Variants in RBL2 observed in about 807,000 individuals in gnomAD.
The protein encoded by RBL2 is retinoblastoma-like protein 2.
Under a neutral mutation model 126.0 loss-of-function variants are expected in RBL2, and 56 were observed. The observed-to-expected ratio is 0.44, with a 90% CI of 0.36 to 0.56. The LOEUF (loss-of-function observed/expected upper bound fraction) is 0.56, where lower values mean the gene tolerates loss of function less well. Among genes scored for constraint, RBL2 ranks in the 20% least tolerant of loss-of-function variants. The pLI, the probability that RBL2 is intolerant of heterozygous loss-of-function variation, is 0.00. For missense variants in RBL2, 1,229 were observed against 1,398.2 expected (o/e 0.88, Z 1.93); for synonymous variants, 454 against 478.5 (o/e 0.95, Z 0.67).
At chr16:53,439,832 G>T (rs1006429923) in intron 2 of RBL2, among the ~76,000 whole-genome samples, 8 of 151,756 alleles carry the variant, frequency 5.3e-5, no homozygotes, top group African/African-American at 1.7e-4. Context: ...AATTAACTGG[G>T]TGTGGTTGTG....
Position 53,459,629 on chromosome 16 carries a change from C to G in RBL2, c.1346+12C>G. On this transcript the variant is annotated intron_variant, in intron 9 of 21. Transcript: ENST00000262133. ...GAACAGATTCTCAGGTTAGTTTGAG[C>G]CCTGTCTGCTTTCTAAGATTTGGTT... is the stretch of plus-strand genomic sequence containing the variant. 1 of 1,520,454 alleles carries G rather than the reference C, an allele frequency of 6.6e-7. No individual in the cohort carries two copies. The highest frequency in any genetic ancestry group is 8.8e-7 in the Non-Finnish European group (1 of 1,135,842). The allele number at this position is 1,520,454 out of a possible 1,614,324, so 94.2% of individuals were successfully genotyped here. A position where few individuals can be genotyped will look rare whatever the true frequency, so the allele number is the denominator to read the frequency against.
At chr16:53,485,693 TA>T (rs899806736) in intron 21 of RBL2, among the ~76,000 whole-genome samples, 41 of 145,450 alleles carry the variant, frequency 2.8e-4, no homozygotes, top group Non-Finnish European at 3.4e-4. Flanking sequence ...GTCTCTACTT[TA>T]AAAAAAAAAA....
At chr16:53,444,360 C>CT (rs1020110239) in intron 3 of RBL2, among the ~76,000 whole-genome samples, 1 of 151,852 alleles carries the variant, frequency 6.6e-6, no homozygotes, top group African/African-American at 2.4e-5. Flanking sequence ...CGAGACCAGC[C>CT]TGGCCAACGT....
At chr16:53,453,834 AG>A in intron 7 of RBL2, 65 bp downstream of exon 7, 1 of 1,376,196 alleles carries the variant, frequency 7.3e-7, no homozygotes, top group Non-Finnish European at 1.0e-6. Flanking sequence ...TTCAGAAGTT[AG>A]TGTTTTTATT....
intron 12 of RBL2, chr16:53,464,925 C>T (rs1050205065): frequency 1.3e-5 from 2 of 152,656 alleles, no homozygotes; most frequent in Non-Finnish European, 2.9e-5. Flanking sequence ...TGCCGAGTAG[C>T]TGGGACTACA....
chr16:53,480,866 A>C, intron 20 of RBL2, 97 bp downstream of exon 20: 2 of 1,289,856 alleles, frequency 1.6e-6, no homozygotes, highest in Admixed American at 4.1e-5. Context: ...GTCCGTATAT[A>C]AACTAGTTTT....
intron 19 of RBL2, 151 bp downstream of exon 19, chr16:53,480,142 A>G: frequency 1.7e-6 from 1 of 603,938 alleles, no homozygotes; most frequent in Non-Finnish European, 2.9e-6. Context: ...TAGCTGGCAA[A>G]ACTGTCCATT....
At chr16:53,468,958 T>A (rs1019516843) in intron 14 of RBL2, among the ~76,000 whole-genome samples, 14 of 152,150 alleles carry the variant, frequency 9.2e-5, no homozygotes, top group Admixed American at 4.6e-4. Context: ...ACCACAATTT[T>A]AAAAAACTAG....
Position 53,465,699 on chromosome 16 carries a change from A to C in RBL2, c.1863+97A>C, listed in dbSNP as rs73608320. On this transcript the variant is annotated intron_variant, in intron 13 of 21. Transcript: ENST00000262133. ...TGGGAGGGTGGCAATTAGGTTTAAT[A>C]TGTTATAATTACACCTTGTTATGAG... 1.5e-3 allele frequency: 1,482 copies of C among 980,462 alleles called. 14 individuals carry two copies. The African/African-American group carries it at 0.022, about 15-fold the overall frequency. 60.7% of individuals were successfully genotyped at this position (980,462 alleles called of 1,614,324 possible).
At chr16:53,462,711 C>A in intron 11 of RBL2, 56 bp downstream of exon 11, 1 of 1,189,456 alleles carries the variant, frequency 8.4e-7, no homozygotes, top group Non-Finnish European at 1.2e-6. Flanking sequence ...TTCCTTCCTG[C>A]CCTATTCTGT....
chr16:53,435,639 T>G, intron 1 of RBL2: 1 of 1,286,964 alleles, frequency 7.8e-7, no homozygotes, highest in Admixed American at 2.3e-5. Context: ...TGTTTGACTG[T>G]GTGTGTGGCA....
intron 3 of RBL2, among the ~76,000 whole-genome samples, chr16:53,446,549 CTTAATG>C (rs1348977958): frequency 1.3e-5 from 2 of 152,068 alleles, no homozygotes; most frequent in Non-Finnish European, 2.9e-5. Flanking sequence ...AACAGGTACT[CTTAATG>C]GATGGAAGTA....
chr16:53,461,235 G>A (rs1236402464), intron 9 of RBL2, among the ~76,000 whole-genome samples: 1 of 152,326 alleles, frequency 6.6e-6, no homozygotes, highest in African/African-American at 2.4e-5. Flanking sequence ...GCTCATTCCT[G>A]TAATCCTAAC....
Position 53,470,391 on chromosome 16 carries a change from A to G in RBL2, c.2254A>G (p.Asn752Asp). ...TVTIPVQGIA[N>D]ENGGITFFPV... ...TTTTTCTCTGTCACTAGGTATTGCC[A>G]ATGAAAATGGAGGGATAACATTCTT... The change falls in exon 16 of 22, where the codon AAT becomes GAT. Residue 752 changes from asparagine to aspartate, a missense_variant. Transcript: ENST00000262133. 1 of 1,611,522 alleles carries G rather than the reference A, an allele frequency of 6.2e-7. No individual in the cohort carries two copies. Among genetic ancestry groups the G allele is most frequent in the Non-Finnish European group, 8.5e-7 (1 of 1,177,808 alleles).
At chr16:53,480,821 A>T in intron 20 of RBL2, 52 bp downstream of exon 20, 1 of 1,537,958 alleles carries the variant, frequency 6.5e-7, no homozygotes, top group Non-Finnish European at 8.9e-7. Context: ...AGTGTTGAGG[A>T]ATCATTTATG....
At chr16:53,446,991 T>C (rs1403306132) in intron 3 of RBL2, 51 bp from the exon 4 acceptor site, 6 of 1,134,510 alleles carry the variant, frequency 5.3e-6, no homozygotes, top group Non-Finnish European at 7.5e-6. Flanking sequence ...TTGGGATTTT[T>C]TTTTCTGATT....
At chr16:53,460,501 A>G (rs1051593185) in intron 9 of RBL2, among the ~76,000 whole-genome samples, 4 of 152,170 alleles carry the variant, frequency 2.6e-5, no homozygotes, top group Non-Finnish European at 1.5e-5. Context: ...TTTCAGATGC[A>G]CCTTGTTTGC....
chr16:53,486,125 GAAA>G (rs59433365), intron 21 of RBL2, among the ~76,000 whole-genome samples: 4 of 92,158 alleles, frequency 4.3e-5, no homozygotes, highest in African/African-American at 8.7e-5. Context: ...CCTTGTCTCT[GAAA>G]AAAAAAAAAA....
chr16:53,479,581 T>C (rs1960863010), intron 18 of RBL2: 1 of 454,758 alleles, frequency 2.2e-6, no homozygotes, highest in African/African-American at 2.0e-5. Flanking sequence ...TTGCCTTTAT[T>C]ACCATTCATC....
Sources: gnomAD v4.1 joint callset for allele counts (sites outside exome capture counted in the v4.1 genomes callset) on GRCh38, gnomAD v4.1.1 for gene constraint, MANE v1.5 for transcripts, NCBI Gene and HGNC (gene_info 2026-07-23, HGNC 2026-07-21) for gene names.